Variants in TMEM255B observed in about 807,000 individuals in gnomAD.
TMEM255B encodes family with sequence similarity 70, member B.
In TMEM255B, 35 loss-of-function variants were observed where a neutral mutation model predicts 34.5. The observed-to-expected ratio is 1.01, with a 90% CI of 0.77 to 1.34. TMEM255B has a LOEUF of 1.34. Among genes scored for constraint, TMEM255B ranks in the 40% most tolerant of loss-of-function variants. The probability of loss-of-function intolerance (pLI) is 0.00; values close to 1 mark genes in which losing one functional copy is unlikely to be tolerated. For missense variants in TMEM255B, 432 were observed against 433.2 expected, an observed-to-expected ratio of 1.00 and a Z score of 0.02; for synonymous variants, 206 against 201.2, an observed-to-expected ratio of 1.02 and a Z score of -0.20.
Position 113,777,459 on chromosome 13 carries a change from A to G in TMEM255B, c.252+8299A>G, listed in dbSNP as rs370767310. Among the ~76,000 whole-genome samples the G allele has an allele frequency of 1.8e-4, 27 of 151,988 alleles. No homozygotes were observed. The East Asian group carries it at 4.1e-3, about 23-fold the overall frequency. On this transcript the variant is annotated intron_variant, in intron 3 of 8. Coordinates refer to ENST00000375353, the MANE Select transcript of TMEM255B (RefSeq NM_182614.4). ...GACAGTGGCGGAGGCTGCCAGCTCT[A>G]CCCGCTGACTGTGCACCCCAGACTG...
At chr13:113,793,680 G>T (rs2050870717) in intron 3 of TMEM255B, among the ~76,000 whole-genome samples, 1 of 152,250 alleles carries the variant, frequency 6.6e-6, no homozygotes, top group East Asian at 1.9e-4. Context: ...GCCCCCAGTT[G>T]ACAGCTCTTC....
Position 113,774,565 on chromosome 13 carries a change from A to C in TMEM255B, c.252+5405A>C, listed in dbSNP as rs1396285163. On this transcript the variant is annotated intron_variant, in intron 3 of 8. Transcript: ENST00000375353. ...GCATGCCACACACCACACACACACA[A>C]CACACATGACACACACACCACACAA... is the stretch of plus-strand genomic sequence containing the variant. Among the ~76,000 whole-genome samples, 5 of 139,712 alleles carry C rather than the reference A, an allele frequency of 3.6e-5. 1 individual carries two copies. The highest frequency in any genetic ancestry group is 1.4e-4 in the African/African-American group (5 of 35,942). The allele number at this position is 139,712 out of a possible 152,430, so 91.7% of individuals were successfully genotyped here.
At chr13:113,774,088 C>G (rs1428429102) in intron 3 of TMEM255B, among the ~76,000 whole-genome samples, 1 of 150,808 alleles carries the variant, frequency 6.6e-6, no homozygotes, top group South Asian at 2.1e-4. Flanking sequence ...CTCCTTGCCC[C>G]CCACCCAACT....
Position 113,811,900 on chromosome 13 carries a change from C to T in TMEM255B, c.978C>T (p.Pro326=), listed in dbSNP as rs1180662676. ...GGGAGAAGCCACCCCCCTACGCACC[C>T]TGATAGAGGCGTGGAGTAAAAGATA... ...PPGEKPPPYA[P] Residue 326 remains proline (P), a synonymous_variant, in exon 9 of 9, where the codon CCC becomes CCT. Transcript: ENST00000375353. 1.9e-6 allele frequency: 3 copies of T among 1,591,422 alleles called. No homozygotes were observed. The South Asian group carries it at 3.4e-5, about 18-fold the overall frequency.
chr13:113,766,358 TG>T, intron 2 of TMEM255B, 101 bp downstream of exon 2: 1 of 1,548,446 alleles, frequency 6.5e-7, no homozygotes, highest in Non-Finnish European at 8.9e-7. Context: ...GGGCTGAAGG[TG>T]GGGAGGCTTC....
intron 3 of TMEM255B, among the ~76,000 whole-genome samples, chr13:113,771,444 G>T (rs560035997): frequency 7.9e-5 from 12 of 152,298 alleles, no homozygotes; most frequent in African/African-American, 2.9e-4. Context: ...CACTTTGGGA[G>T]GCCAAGGTGG....
At position 113,761,029 on chromosome 13, in the gene TMEM255B, T is replaced by TC; in HGVS notation, c.46+1714_46+1715insC. ...TACCTGGGGGTAGGATTATGGGTTT[T>TC]TCTGCTTTGCCCTTCTTTGTTCACT... On this transcript the variant is annotated intron_variant, in intron 1 of 8. Coordinates refer to ENST00000375353, the MANE Select transcript of TMEM255B (RefSeq NM_182614.4). Among the ~76,000 whole-genome samples the TC allele has an allele frequency of 1.3e-5, 2 of 152,208 alleles. 1 individual carries two copies. The highest frequency in any genetic ancestry group is 6.8e-3 in the Middle Eastern group (2 of 294).
rs1414624925 is a variant in TMEM255B, at chr13:113,806,468, C to G, written c.813+1440C>G. Among the ~76,000 whole-genome samples, 1 of 152,138 alleles carries G rather than the reference C, an allele frequency of 6.6e-6. No individual in the cohort carries two copies. On this transcript the variant is annotated intron_variant, in intron 8 of 8. Coordinates refer to ENST00000375353, the MANE Select transcript of TMEM255B (RefSeq NM_182614.4). This position sits in a 1 kb window ranked among gnomAD's most constrained non-coding sequence, Gnocchi z 4.2. ...TGCACCTCATACCTCAGTCTCCCCT[C>G]TCACTTCGAATATAAAGCTGGGGCC...
rs1401508858 is a variant in TMEM255B at position 113,769,261 on chromosome 13, C to G, written c.252+101C>G. 6 of 1,325,576 alleles carry G rather than the reference C, an allele frequency of 4.5e-6. No individual in the cohort carries two copies. Among genetic ancestry groups the G allele is most frequent in the Non-Finnish European group, 6.5e-6 (6 of 924,480 alleles). The allele number at this position is 1,325,576 out of a possible 1,614,324, so 82.1% of individuals were successfully genotyped here. On this transcript the variant is annotated intron_variant, in intron 3 of 8. Transcript: ENST00000375353. This position sits in a 1 kb window ranked among gnomAD's most constrained non-coding sequence, Gnocchi z 4.2. Reference sequence around the variant, plus strand: ...AAGAGTCAGCCCTGCCTCCCCAGCACACTGGTGTCTACAGGACCAGCTCTG... The same window carrying G: ...AAGAGTCAGCCCTGCCTCCCCAGCAGACTGGTGTCTACAGGACCAGCTCTG...
intron 3 of TMEM255B, among the ~76,000 whole-genome samples, chr13:113,783,891 T>C (rs1168802692): frequency 6.6e-6 from 1 of 150,908 alleles, no homozygotes; most frequent in South Asian, 2.1e-4. Context: ...CTGGGGAGGG[T>C]TTTCTTTAAG....
rs2051346576 is a variant in TMEM255B at position 113,812,910 on chromosome 13, C to CCCGGGTGGGTCACAGGT, written c.*1009_*1010insGGGTGGGTCACAGGTCC. The CCCGGGTGGGTCACAGGT allele has an allele frequency of 1.1e-5, 1 of 92,638 alleles. No homozygotes were observed. The highest frequency in any genetic ancestry group is 5.5e-5 in the African/African-American group (1 of 18,256). The allele number at this position is 92,638 out of a possible 1,614,324, so 5.7% of individuals were successfully genotyped here. On this transcript the variant is annotated 3_prime_UTR_variant, in exon 9 of 9. Transcript: ENST00000375353. ...TCACAGGCCCCGGGTGAGTCACAGG[C>CCCGGGTGGGTCACAGGT]CCCGGGTGAGTCACGGGTCCCGGGT...
chr13:113,781,674 T>C (rs933236424), intron 3 of TMEM255B, among the ~76,000 whole-genome samples: 2 of 152,216 alleles, frequency 1.3e-5, no homozygotes, highest in African/African-American at 4.8e-5. Context: ...TACCTAGATA[T>C]AAAGCAGGCA....
intron 1 of TMEM255B, among the ~76,000 whole-genome samples, chr13:113,759,774 G>C (rs1429951898): frequency 1.3e-5 from 2 of 152,152 alleles, no homozygotes; most frequent in African/African-American, 4.8e-5. Context: ...TTTCCTGTTT[G>C]AACGTGCAGA....
chr13:113,796,954 C>T (rs370099631), intron 4 of TMEM255B, among the ~76,000 whole-genome samples: 8 of 152,084 alleles, frequency 5.3e-5, no homozygotes, highest in Middle Eastern at 3.4e-3. Flanking sequence ...CTCACACTCG[C>T]GCGCACACAC....
rs1566733283 is a variant in TMEM255B at position 113,790,014 on chromosome 13, C to CCGGGCACG, written c.253-5134_253-5133insCGGGCACG. On this transcript the variant is annotated intron_variant, in intron 3 of 8. Transcript: ENST00000375353. ...CGTGGACATCCTAGCACTGGACTGA[C>CCGGGCACG]TGGGCACCTGAACATCCTAGCGCTG... 1.9e-4 allele frequency among the ~76,000 whole-genome samples: 29 copies of CCGGGCACG among 151,750 alleles called. 1 individual carries two copies. The highest frequency in any genetic ancestry group is 4.2e-4 in the South Asian group (2 of 4,806).
chr13:113,812,096 C>T lies in TMEM255B; in HGVS notation c.*193C>T. 1 of 687,916 alleles carries T rather than the reference C, an allele frequency of 1.5e-6. No homozygotes were observed. Among genetic ancestry groups the T allele is most frequent in the East Asian group, 2.9e-5 (1 of 34,002 alleles). 42.6% of individuals were successfully genotyped at this position (687,916 alleles called of 1,614,324 possible). ...GGCAGGGAGTGGGGCCCTCCAGACC[C>T]AGGCTGGTGACACCTTGGCTTGGGC... On this transcript the variant is annotated 3_prime_UTR_variant, in exon 9 of 9. Coordinates refer to ENST00000375353, the MANE Select transcript of TMEM255B (RefSeq NM_182614.4).
chr13:113,766,050 C>A, intron 1 of TMEM255B, 65 bp from the exon 2 acceptor site: 17 of 1,599,552 alleles, frequency 1.1e-5, no homozygotes, highest in Non-Finnish European at 1.4e-5. Flanking sequence ...GGCCCAGAGC[C>A]TGCTGGCCTG....
intron 3 of TMEM255B, among the ~76,000 whole-genome samples, chr13:113,777,427 A>G (rs981022273): frequency 6.6e-6 from 1 of 152,158 alleles, no homozygotes; most frequent in Non-Finnish European, 1.5e-5. Flanking sequence ...TTCCCAGTAC[A>G]GGGCTGGACA....
intron 5 of TMEM255B, among the ~76,000 whole-genome samples, chr13:113,800,299 C>CTGTGTGTGTGTGTG (rs1491395254): frequency 9.6e-5 from 6 of 62,716 alleles, no homozygotes; most frequent in Non-Finnish European, 1.5e-4. Flanking sequence ...GGGAGGCGTC[C>CTGTGTGTGTGTGTG]TCTGTGTGTG....
Sources: allele counts gnomAD v4.1 joint callset (sites outside exome capture counted in the v4.1 genomes callset), GRCh38; gene constraint gnomAD v4.1.1; non-coding constraint Gnocchi (gnomAD v3.1); transcripts MANE v1.5; gene names NCBI Gene and HGNC (gene_info 2026-07-23, HGNC 2026-07-21).